Variants in SLC9A9 observed in about 807,000 individuals in gnomAD.
The protein encoded by SLC9A9 is solute carrier family 9 member A9.
SLC9A9 carries 62 observed loss-of-function variants against 77.8 expected under a neutral mutation model. The ratio of observed to expected loss-of-function variants is 0.80; its 90% CI spans 0.65 to 0.98. The LOEUF is 0.98. SLC9A9 is among the 50% of genes least tolerant of loss of function. The pLI is 0.00. For missense variants in SLC9A9, 775 were observed against 774.9 expected (o/e 1.00, Z 0.00); for synonymous variants, 320 against 283.5 (o/e 1.13, Z -1.29).
At chr3:143,824,776 CTT>C (rs1200726980) in intron 2 of SLC9A9, among the ~76,000 whole-genome samples, 1 of 152,198 alleles carries the variant, frequency 6.6e-6, no homozygotes, top group East Asian at 1.9e-4. Context: ...TATTTAGAGT[CTT>C]TAAATACATT....
intron 14 of SLC9A9, among the ~76,000 whole-genome samples, chr3:143,305,469 G>T (rs1304723661): frequency 6.6e-6 from 1 of 152,192 alleles, no homozygotes; most frequent in Non-Finnish European, 1.5e-5. Context: ...TGGCAACTAG[G>T]ACTTGAGGAT....
chr3:143,545,433 C>T lies in SLC9A9; in HGVS notation c.1089+6929G>A, dbSNP rs1231570719. 3.9e-5 allele frequency among the ~76,000 whole-genome samples: 6 copies of T among 152,148 alleles called. No homozygotes were observed. In the East Asian group the frequency reaches 9.6e-4, roughly 24 times the overall value. Reference sequence around the variant, plus strand: ...TTTGTGTGCATGTGTATGTCTTCTGCTATATTAGGACCTCCAAAGGACAAG... The same window carrying T: ...TTTGTGTGCATGTGTATGTCTTCTGTTATATTAGGACCTCCAAAGGACAAG... On this transcript the variant is annotated intron_variant, in intron 9 of 15. Transcript: ENST00000316549.
At chr3:143,844,752 TCTTTCTTTCTTTCTTTC>T (rs1430097873) in intron 1 of SLC9A9, among the ~76,000 whole-genome samples, 3 of 148,570 alleles carry the variant, frequency 2.0e-5, no homozygotes, top group Admixed American at 6.8e-5. Flanking sequence ...TTTCTTTCTT[TCTTTCTTTCTTTCTTTC>T]TTTCTTTCTT....
chr3:143,367,869 C>T (rs1236733644), intron 13 of SLC9A9, among the ~76,000 whole-genome samples: 3 of 152,110 alleles, frequency 2.0e-5, no homozygotes, highest in Non-Finnish European at 2.9e-5. Context: ...ATGTGGTGTG[C>T]ATGTTAGAAC....
rs528945286 is a variant in SLC9A9, at chr3:143,832,215, A to T, written c.182T>A (p.Ile61Lys). ...ETGGAMVYGL[I>K]MGLILRYATA... is the part of the protein sequence containing the mutation. ...AGCATATCGTAAAATTAGTCCCATT[A>T]TAAGGCCTAAAAAAAAAAGAATAAA... The change falls in exon 2 of 16, where the codon ATA becomes AAA. Residue 61 changes from isoleucine to lysine, a missense_variant. Transcript: ENST00000316549. 2 of 1,610,636 alleles carry T rather than the reference A, an allele frequency of 1.2e-6. No individual in the cohort carries two copies. The highest frequency in any genetic ancestry group is 1.1e-5 in the South Asian group (1 of 90,942).
intron 15 of SLC9A9, among the ~76,000 whole-genome samples, chr3:143,267,374 A>G (rs1486213865): frequency 7.4e-6 from 1 of 134,388 alleles, no homozygotes; most frequent in Non-Finnish European, 1.5e-5. Flanking sequence ...TTTGAGACAG[A>G]GTCTCACTCT....
At chr3:143,365,493 A>G (rs1252794448) in intron 13 of SLC9A9, among the ~76,000 whole-genome samples, 1 of 152,226 alleles carries the variant, frequency 6.6e-6, no homozygotes, top group Non-Finnish European at 1.5e-5. Flanking sequence ...CAAATCTTCA[A>G]CAGAAAGTGT....
At chr3:143,394,070 A>G (rs1265714429) in intron 12 of SLC9A9, among the ~76,000 whole-genome samples, 2 of 152,180 alleles carry the variant, frequency 1.3e-5, no homozygotes, top group East Asian at 1.9e-4. Context: ...CAATCAATAG[A>G]AAAAGAGGGA....
chr3:143,813,450 G>A (rs2008922355), intron 2 of SLC9A9, among the ~76,000 whole-genome samples: 1 of 152,122 alleles, frequency 6.6e-6, no homozygotes, highest in South Asian at 2.1e-4. Context: ...TTGGTGAATT[G>A]GAGAAGAGGA....
intron 6 of SLC9A9, among the ~76,000 whole-genome samples, chr3:143,579,373 A>G (rs1173773111): frequency 1.3e-5 from 2 of 152,148 alleles, no homozygotes; most frequent in African/African-American, 4.8e-5. Flanking sequence ...CTGCCAACAG[A>G]TTTATTTCCA....
chr3:143,337,554 T>C (rs1317008314), intron 14 of SLC9A9, among the ~76,000 whole-genome samples: 1 of 152,202 alleles, frequency 6.6e-6, no homozygotes, highest in Non-Finnish European at 1.5e-5. Flanking sequence ...TTCCCAGAGC[T>C]TTCCTGATGA....
chr3:143,410,337 C>T (rs887093555), intron 12 of SLC9A9, among the ~76,000 whole-genome samples: 5 of 152,184 alleles, frequency 3.3e-5, no homozygotes, highest in African/African-American at 1.2e-4. Context: ...TCTTACAGCC[C>T]CCTGCCTGCT....
intron 5 of SLC9A9, among the ~76,000 whole-genome samples, chr3:143,667,274 C>T (rs1046361658): frequency 1.3e-5 from 2 of 152,084 alleles, no homozygotes; most frequent in African/African-American, 2.4e-5. Context: ...AACTGGCTAG[C>T]CATATGTAGA....
intron 5 of SLC9A9, among the ~76,000 whole-genome samples, chr3:143,663,061 G>A (rs751238296): frequency 2.6e-5 from 4 of 152,158 alleles, no homozygotes; most frequent in Non-Finnish European, 5.9e-5. Context: ...ACCTCATACA[G>A]CCAGCTGCCC....
At chr3:143,315,656 G>GT (rs991028654) in intron 14 of SLC9A9, among the ~76,000 whole-genome samples, 19 of 152,200 alleles carry the variant, frequency 1.2e-4, no homozygotes, top group African/African-American at 4.6e-4. Context: ...GACCCAGGGG[G>GT]TTGTATGTTC....
At chr3:143,771,260 G>A (rs1333955271) in intron 4 of SLC9A9, among the ~76,000 whole-genome samples, 1 of 152,180 alleles carries the variant, frequency 6.6e-6, no homozygotes, top group Non-Finnish European at 1.5e-5. Context: ...AGGGAACAGG[G>A]AGGAGAGTGT....
At chr3:143,424,539 A>G (rs1049336687) in intron 12 of SLC9A9, among the ~76,000 whole-genome samples, 2 of 151,834 alleles carry the variant, frequency 1.3e-5, no homozygotes, top group East Asian at 3.9e-4. Flanking sequence ...CGCCTCCCCA[A>G]GTGCTGGGTC....
intron 11 of SLC9A9, among the ~76,000 whole-genome samples, chr3:143,477,493 A>C (rs2035499050): frequency 6.6e-6 from 1 of 151,752 alleles, no homozygotes; most frequent in Non-Finnish European, 1.5e-5. Context: ...TCCATGGACC[A>C]CACTTCTAGA....
intron 12 of SLC9A9, among the ~76,000 whole-genome samples, chr3:143,414,104 A>G (rs1012802765): frequency 6.6e-6 from 1 of 152,182 alleles, no homozygotes; most frequent in African/African-American, 2.4e-5. Context: ...CAGCTTTCAC[A>G]TGATTTATCA....
Sources: allele counts gnomAD v4.1 joint callset (sites outside exome capture counted in the v4.1 genomes callset), GRCh38; gene constraint gnomAD v4.1.1; transcripts MANE v1.5; gene names NCBI Gene and HGNC (gene_info 2026-07-23, HGNC 2026-07-21).